Variants in ERBB4 observed in about 807,000 individuals in gnomAD.
ERBB4 encodes erb-b2 receptor tyrosine kinase 4.
In ERBB4, 42 loss-of-function variants were observed where a neutral mutation model predicts 158.0. That is an observed-to-expected ratio of 0.27 (90% confidence interval 0.21 to 0.34). The LOEUF (loss-of-function observed/expected upper bound fraction) is 0.34. Ranked by LOEUF, ERBB4 falls within the 10% of genes least tolerant of loss-of-function variation. The pLI, the probability that ERBB4 is intolerant of heterozygous loss-of-function variation, is 1.00. For synonymous variants in ERBB4, 583 were observed against 558.7 expected (o/e 1.04, Z -0.61); for missense variants, 1,333 against 1,624.1 (o/e 0.82, Z 3.08).
intron 19 of ERBB4, among the ~76,000 whole-genome samples, chr2:211,612,391 A>G (rs946540919): frequency 6.6e-5 from 10 of 151,906 alleles, no homozygotes; most frequent in Admixed American, 6.6e-4. Context: ...GAATTCTACA[A>G]TTAAAAACTA....
At chr2:211,789,425 T>G (rs1356830389) in intron 3 of ERBB4, among the ~76,000 whole-genome samples, 1 of 152,162 alleles carries the variant, frequency 6.6e-6, no homozygotes, top group Non-Finnish European at 1.5e-5. Flanking sequence ...ATCTAAAAAC[T>G]AAACTGCAGT....
chr2:212,430,711 T>C (rs1421279404), intron 1 of ERBB4, among the ~76,000 whole-genome samples: 1 of 152,164 alleles, frequency 6.6e-6, no homozygotes, highest in Non-Finnish European at 1.5e-5. Context: ...GTATACATAT[T>C]GAGATCCCAT....
At chr2:212,006,060 A>G (rs1454496673) in intron 2 of ERBB4, among the ~76,000 whole-genome samples, 1 of 152,182 alleles carries the variant, frequency 6.6e-6, no homozygotes, top group East Asian at 1.9e-4. Flanking sequence ...AAACCTGTAC[A>G]AGCATACAAA....
At chr2:212,217,188 C>T (rs1158070507) in intron 1 of ERBB4, among the ~76,000 whole-genome samples, 1 of 151,328 alleles carries the variant, frequency 6.6e-6, no homozygotes, top group Admixed American at 6.6e-5. Flanking sequence ...GATACTTGCT[C>T]TATTTTGCAG....
chr2:212,153,635 T>A (rs1559609273), intron 1 of ERBB4, among the ~76,000 whole-genome samples: 3 of 152,184 alleles, frequency 2.0e-5, no homozygotes, highest in African/African-American at 7.2e-5. Context: ...TAATTGCGTT[T>A]TTTGTCATTG....
At chr2:211,434,108 A>G (rs1243204076) in intron 20 of ERBB4, among the ~76,000 whole-genome samples, 2 of 152,224 alleles carry the variant, frequency 1.3e-5, no homozygotes, top group Non-Finnish European at 2.9e-5. Flanking sequence ...TTTGTAATTT[A>G]GGTGGATAAT....
chr2:212,033,311 A>G (rs971687139), intron 2 of ERBB4, among the ~76,000 whole-genome samples: 1 of 151,980 alleles, frequency 6.6e-6, no homozygotes, highest in Non-Finnish European at 1.5e-5. Context: ...TCAAAAGAGA[A>G]GCTGGGTATG....
intron 4 of ERBB4, among the ~76,000 whole-genome samples, chr2:211,760,846 A>G (rs188430857): frequency 1.1e-4 from 16 of 152,334 alleles, no homozygotes; most frequent in Non-Finnish European, 1.8e-4. Flanking sequence ...TATTTTATAT[A>G]CATTATCTTA....
intron 12 of ERBB4, among the ~76,000 whole-genome samples, chr2:211,680,551 T>G (rs1228089929): frequency 1.3e-5 from 2 of 152,194 alleles, no homozygotes; most frequent in Admixed American, 6.5e-5. Flanking sequence ...AATATGGTAG[T>G]GTAATATAAG....
chr2:211,543,299 C>T (rs1229722234), intron 20 of ERBB4, among the ~76,000 whole-genome samples: 2 of 151,924 alleles, frequency 1.3e-5, no homozygotes, highest in Non-Finnish European at 2.9e-5. Context: ...CATTTTCAGT[C>T]TTTATTATAA....
intron 1 of ERBB4, among the ~76,000 whole-genome samples, chr2:212,216,262 T>C (rs555087779): frequency 9.9e-5 from 15 of 151,294 alleles, no homozygotes; most frequent in Middle Eastern, 3.2e-3. Context: ...ATGACACCAT[T>C]AGTATTCACT....
chr2:211,804,060 C>T (rs1482551719), intron 3 of ERBB4, among the ~76,000 whole-genome samples: 1 of 152,170 alleles, frequency 6.6e-6, no homozygotes, highest in African/African-American at 2.4e-5. Flanking sequence ...GTGCTGCAGA[C>T]ATGTCACCCC....
At chr2:211,431,985 AAGG>A (rs961735129) in intron 20 of ERBB4, among the ~76,000 whole-genome samples, 5 of 152,152 alleles carry the variant, frequency 3.3e-5, no homozygotes, top group African/African-American at 1.2e-4. Flanking sequence ...TAGGTAAACT[AAGG>A]GTTGCTAAAC....
chr2:211,449,938 A>G (rs2064203257), intron 20 of ERBB4, among the ~76,000 whole-genome samples: 1 of 152,160 alleles, frequency 6.6e-6, no homozygotes, highest in African/African-American at 2.4e-5. Context: ...TATAATGAAC[A>G]CTCATCTAGC....
chr2:211,388,053 A>T (rs2062724529), intron 25 of ERBB4, 61 bp from the exon 26 acceptor site: 7 of 1,296,766 alleles, frequency 5.4e-6, no homozygotes, highest in Non-Finnish European at 7.8e-6. Context: ...TGAAAAAATT[A>T]AAAAAAGAAA....
chr2:212,439,132 G>C (rs1327029968), intron 1 of ERBB4, among the ~76,000 whole-genome samples: 2 of 151,970 alleles, frequency 1.3e-5, no homozygotes, highest in Non-Finnish European at 2.9e-5. Flanking sequence ...TACTTCTCAA[G>C]ATTTGCCTTA....
Position 212,527,690 on chromosome 2 carries a change from TTTTATTTA to T in ERBB4, c.82+10751_82+10758del, listed in dbSNP as rs143126554. Among the ~76,000 whole-genome samples, 396 of 149,722 alleles carry T rather than the reference TTTTATTTA, an allele frequency of 2.6e-3. 2 individuals are homozygous for T. The highest frequency in any genetic ancestry group is 9.1e-3 in the African/African-American group (372 of 40,712). Reference sequence around the variant, plus strand: ...TTGTATAAATGCAGATCCCCAAATCTTTTATTTATTTATTTATTTATTTATTATTATAC... The same window carrying T: ...TTGTATAAATGCAGATCCCCAAATCTTTTATTTATTTATTTATTATTATAC... On this transcript the variant is annotated intron_variant, in intron 1 of 27. Coordinates refer to ENST00000342788, the MANE Select transcript of ERBB4 (RefSeq NM_005235.3).
chr2:211,751,048 C>T (rs757914034), intron 4 of ERBB4, among the ~76,000 whole-genome samples: 1 of 152,104 alleles, frequency 6.6e-6, no homozygotes, highest in Admixed American at 6.5e-5. Flanking sequence ...ATCTATTCTA[C>T]TTGATATAAT....
chr2:211,996,280 T>G (rs569381315), intron 2 of ERBB4, among the ~76,000 whole-genome samples: 3 of 152,014 alleles, frequency 2.0e-5, no homozygotes, highest in Non-Finnish European at 2.9e-5. Flanking sequence ...TTTTTTCAGA[T>G]GGCAGAAACC....
Sources: allele counts gnomAD v4.1 joint callset (sites outside exome capture counted in the v4.1 genomes callset), GRCh38; gene constraint gnomAD v4.1.1; transcripts MANE v1.5; gene names NCBI Gene and HGNC (gene_info 2026-07-23, HGNC 2026-07-21).